TNFRSF11A: variants seen among roughly 807,000 people sequenced by gnomAD.
TNFRSF11A encodes tumor necrosis factor receptor superfamily member 11A.
A neutral mutation model predicts 55.7 loss-of-function variants in TNFRSF11A; 32 were observed. That is an observed-to-expected ratio of 0.57 (90% CI 0.43 to 0.77). The LOEUF (loss-of-function observed/expected upper bound fraction) is 0.77, where lower values mean the gene tolerates loss of function less well. Among genes scored for constraint, TNFRSF11A ranks in the 30% least tolerant of loss-of-function variants. The pLI is 0.00. For missense variants in TNFRSF11A, 753 were observed against 809.8 expected, an observed-to-expected ratio of 0.93 and a Z score of 0.85; for synonymous variants, 311 against 331.0, an observed-to-expected ratio of 0.94 and a Z score of 0.65.
At chr18:62,337,797 C>T (rs997624956) in intron 1 of TNFRSF11A, among the ~76,000 whole-genome samples, 2 of 152,178 alleles carry the variant, frequency 1.3e-5, no homozygotes, top group South Asian at 2.1e-4. Flanking sequence ...AGGACTCTCT[C>T]GGTTGAGTTC....
In TNFRSF11A at chr18:62,359,845, G is replaced by A. The variant is rs17069876; in HGVS notation, c.522-110G>A. On this transcript the variant is annotated intron_variant, in intron 5 of 9. Coordinates refer to ENST00000586569, the MANE Select transcript of TNFRSF11A (RefSeq NM_003839.4). ...AGGGGATTCAAATGTCCAAGAAGGC[G>A]TGGGTTCCTCTCCTGAAGGAGCTGG... The A allele has an allele frequency of 0.011, 9,682 of 889,566 alleles. 598 individuals are homozygous for A. The East Asian group carries it at 0.16, about 15-fold the overall frequency. 55.1% of individuals were successfully genotyped at this position (889,566 alleles called of 1,614,324 possible). A position where few individuals can be genotyped will look rare whatever the true frequency, so the allele number is the denominator to read the frequency against.
rs182633317 is a variant in TNFRSF11A at position 62,365,251 on chromosome 18, C to T, written c.731-1457C>T. On this transcript the variant is annotated intron_variant, in intron 7 of 9. Coordinates refer to ENST00000586569, the MANE Select transcript of TNFRSF11A (RefSeq NM_003839.4). ...TGCTGGGATTACAGGTGTGAGCCACCGGGTCCAGCCCTAACTTTAGTCTTT... is the reference window on the plus strand; with the variant it reads ...TGCTGGGATTACAGGTGTGAGCCACTGGGTCCAGCCCTAACTTTAGTCTTT... Among the ~76,000 whole-genome samples the T allele has an allele frequency of 1.8e-3, 277 of 152,248 alleles. 10 individuals carry two copies. In the South Asian group the frequency reaches 0.048, roughly 26 times the overall value.
intron 6 of TNFRSF11A, among the ~76,000 whole-genome samples, chr18:62,360,446 C>CTT (rs555339154): frequency 4.7e-4 from 70 of 147,934 alleles, no homozygotes; most frequent in South Asian, 8.6e-4. Context: ...TTAAATTAAT[C>CTT]TTTTTTTTTT....
rs1301686850 is a variant in TNFRSF11A, at chr18:62,388,182, C to T, written c.*3148C>T. The T allele has an allele frequency of 1.3e-5, 2 of 152,356 alleles. No individual in the cohort carries two copies. The highest frequency in any genetic ancestry group is 4.1e-4 in the South Asian group (2 of 4,822). The allele number at this position is 152,356 out of a possible 1,614,324, so 9.4% of individuals were successfully genotyped here. The stretch of plus-strand genomic sequence containing the variant: ...GTTCTTCAGGCCTGGTCCCTCCTGG[C>T]CTGGTTTGCTTACCCATTTACAATG... On this transcript the variant is annotated 3_prime_UTR_variant, in exon 10 of 10. Coordinates refer to ENST00000586569, the MANE Select transcript of TNFRSF11A (RefSeq NM_003839.4).
At chr18:62,378,726 G>T (rs1000175246) in intron 9 of TNFRSF11A, among the ~76,000 whole-genome samples, 1 of 152,148 alleles carries the variant, frequency 6.6e-6, no homozygotes, top group Non-Finnish European at 1.5e-5. Flanking sequence ...ATATTTGCTT[G>T]CTCTACGCAG....
intron 1 of TNFRSF11A, among the ~76,000 whole-genome samples, chr18:62,327,828 A>G (rs1031833610): frequency 6.6e-6 from 1 of 152,214 alleles, no homozygotes; most frequent in Non-Finnish European, 1.5e-5. Flanking sequence ...AAACATTTCT[A>G]TGATTATATC....
rs984716361 is a variant in TNFRSF11A at position 62,374,635 on chromosome 18, A to T, written c.1567+5151A>T. ...ATAATAAGCTTTTGAGAAGAAAGGT[A>T]TGCATTGTCTTGCTTAAAAATGTAA... On this transcript the variant is annotated intron_variant, in intron 9 of 9. Coordinates refer to ENST00000586569, the MANE Select transcript of TNFRSF11A (RefSeq NM_003839.4). Among the ~76,000 whole-genome samples the T allele has an allele frequency of 3.9e-5, 6 of 152,224 alleles. No individual in the cohort carries two copies. In the South Asian group the frequency reaches 1.2e-3, roughly 32 times the overall value.
chr18:62,379,270 C>T (rs1009775379), intron 9 of TNFRSF11A, among the ~76,000 whole-genome samples: 7 of 152,144 alleles, frequency 4.6e-5, no homozygotes, highest in Admixed American at 2.6e-4. Context: ...AACCCACACC[C>T]GCCCAGGAAG....
At chr18:62,332,783 C>T (rs1253733706) in intron 1 of TNFRSF11A, among the ~76,000 whole-genome samples, 2 of 152,176 alleles carry the variant, frequency 1.3e-5, no homozygotes, top group East Asian at 3.9e-4. Flanking sequence ...GCAAAAAAGC[C>T]AACAACCCCA....
At chr18:62,368,481 T>G (rs1300630349) in intron 8 of TNFRSF11A, among the ~76,000 whole-genome samples, 2 of 152,152 alleles carry the variant, frequency 1.3e-5, no homozygotes, top group Non-Finnish European at 2.9e-5. Context: ...GCTTTTCATC[T>G]GAGATGCAGC....
chr18:62,366,398 A>G (rs1049011894), intron 7 of TNFRSF11A, among the ~76,000 whole-genome samples: 1 of 152,244 alleles, frequency 6.6e-6, no homozygotes, highest in African/African-American at 2.4e-5. Context: ...AAAGTAGCAG[A>G]TGTGCAGGAT....
chr18:62,358,412 G>C, intron 5 of TNFRSF11A, 71 bp downstream of exon 5: 1 of 1,418,548 alleles, frequency 7.0e-7, no homozygotes, highest in Non-Finnish European at 9.9e-7. Context: ...GTCTCGTCTG[G>C]GTTGAAAACG....
intron 1 of TNFRSF11A, among the ~76,000 whole-genome samples, chr18:62,344,052 C>T (rs1244774888): frequency 1.3e-5 from 2 of 152,148 alleles, no homozygotes; most frequent in Non-Finnish European, 2.9e-5. Context: ...GCCTCCAAGG[C>T]GGCTGTGATG....
At chr18:62,364,775 C>T (rs1195841358) in intron 7 of TNFRSF11A, among the ~76,000 whole-genome samples, 4 of 152,088 alleles carry the variant, frequency 2.6e-5, no homozygotes, top group Admixed American at 1.3e-4. Context: ...ATATATTTTG[C>T]GTGTACTACG....
At chr18:62,353,862 T>C (rs1909030635) in intron 3 of TNFRSF11A, among the ~76,000 whole-genome samples, 1 of 152,094 alleles carries the variant, frequency 6.6e-6, no homozygotes, top group Non-Finnish European at 1.5e-5. Context: ...TGAGGAGAGT[T>C]TGACTCCAAG....
At chr18:62,336,259 C>G (rs1302724490) in intron 1 of TNFRSF11A, 1 of 152,226 alleles carries the variant, frequency 6.6e-6, no homozygotes, top group East Asian at 1.9e-4. Context: ...AATGTAGTCT[C>G]AGGCTCTGTT....
rs1277822417 is a variant in TNFRSF11A, at chr18:62,369,365, A to C, written c.1448A>C (p.Glu483Ala). ...AYGMGLPPEE[E>A]ASRTEARDQP... is the part of the protein sequence containing the mutation. ...GGCATGGGCCTTCCCCCTGAAGAAG[A>C]AGCCAGCAGGACGGAGGCCAGAGAC... is the stretch of plus-strand genomic sequence containing the variant. The change falls in exon 9 of 10, where the codon GAA becomes GCA. Residue 483 changes from glutamate (E) to alanine (A), a missense_variant. This residue lies in a region of TNFRSF11A where 567 missense variants were observed against 596.7 expected (regional missense o/e 0.95). Transcript: ENST00000586569. 2 of 1,610,380 alleles carry C rather than the reference A, an allele frequency of 1.2e-6. No individual in the cohort carries two copies. The highest frequency in any genetic ancestry group is 8.5e-7 in the Non-Finnish European group (1 of 1,178,916).
chr18:62,364,597 C>A (rs1909943606), intron 7 of TNFRSF11A, among the ~76,000 whole-genome samples: 1 of 152,062 alleles, frequency 6.6e-6, no homozygotes, highest in Admixed American at 6.5e-5. Flanking sequence ...TAGACTGATT[C>A]CTCCAAGGAA....
chr18:62,342,281 G>T (rs768841748), intron 1 of TNFRSF11A, among the ~76,000 whole-genome samples: 2 of 150,720 alleles, frequency 1.3e-5, no homozygotes, highest in Non-Finnish European at 3.0e-5. Context: ...GGGCACCTGT[G>T]GTCCCAGCTA....
Sources: allele counts gnomAD v4.1 joint callset (sites outside exome capture counted in the v4.1 genomes callset), GRCh38; gene constraint gnomAD v4.1.1; regional missense constraint gnomAD v4.1.1; transcripts MANE v1.5; gene names NCBI Gene and HGNC (gene_info 2026-07-23, HGNC 2026-07-21).